KDR: variants seen among roughly 807,000 people sequenced by gnomAD.
The protein encoded by KDR is kinase insert domain receptor, also known as vascular endothelial growth factor receptor 2.
Under a neutral mutation model 160.9 loss-of-function variants are expected in KDR, and 43 were observed. That is an observed-to-expected ratio of 0.27 (90% CI 0.21 to 0.34). The LOEUF is 0.34. Ranked by LOEUF, KDR falls within the 10% of genes least tolerant of loss-of-function variation. The pLI is 1.00. For missense variants in KDR, 1,469 were observed against 1,666.4 expected, an observed-to-expected ratio of 0.88 and a Z score of 2.06; for synonymous variants, 617 against 600.1, an observed-to-expected ratio of 1.03 and a Z score of -0.41.
At position 55,113,332 on chromosome 4, in the gene KDR, C is replaced by A; in HGVS notation, c.948G>T (p.Lys316Asn). The change falls in exon 7 of 30, where the codon AAG becomes AAT. Residue 316 changes from lysine to asparagine, a missense_variant. By Grantham distance (94) the Lys-to-Asn change is moderately conservative. This residue lies in a region of KDR where 792 missense variants were observed against 840.9 expected (regional missense o/e 0.94). Coordinates refer to ENST00000263923, the MANE Select transcript of KDR (RefSeq NM_002253.4). The stretch of plus-strand genomic sequence containing the variant: ...GGACCCTGACAAATGTGCTGTTCTT[C>A]TTGGTCATCAGCCCACTGGATGCTG... ...TCAASSGLMT[K>N]KNSTFVRVHE... 1 of 1,614,096 alleles carries A rather than the reference C, an allele frequency of 6.2e-7. No homozygotes were observed. The highest frequency in any genetic ancestry group is 1.7e-5 in the Admixed American group (1 of 60,014).
chr4:55,118,543 G>T, intron 3 of KDR, 61 bp downstream of exon 3: 2 of 1,302,064 alleles, frequency 1.5e-6, no homozygotes, highest in African/African-American at 1.5e-5. Flanking sequence ...TCTTCTTTGA[G>T]CCTATTGTCT....
rs1720433798 is a variant in KDR at position 55,105,854 on chromosome 4, C to T, written c.1623G>A (p.Arg541=). ...EAVNKVGRGE[R]VISFHVTRGP... ...TACTGGTCACGTGGAAGGAGATCACCCTCTCTCCTCTCCCGACTTTGTTGA... is the reference window on the plus strand; with the variant it reads ...TACTGGTCACGTGGAAGGAGATCACTCTCTCTCCTCTCCCGACTTTGTTGA... The change falls in exon 12 of 30, where the codon AGG becomes AGA. Residue 541 remains arginine, a synonymous_variant. Transcript: ENST00000263923. 1.2e-6 allele frequency: 2 copies of T among 1,607,984 alleles called. No homozygotes were observed. Among genetic ancestry groups the T allele is most frequent in the African/African-American group, 1.3e-5 (1 of 74,740 alleles).
At position 55,114,147 on chromosome 4, in the gene KDR, G is replaced by A. The variant is rs750554254; in HGVS notation, c.777C>T (p.Asn259=). 5.0e-6 allele frequency: 8 copies of A among 1,613,934 alleles called. No individual in the cohort carries two copies. The South Asian group carries it at 7.7e-5, about 16-fold the overall frequency. ...TTACCTTCGAAGAAGGGTATTCCCAGTTGAAGTCAATCCCCACATTTAGTT... is the reference window on the plus strand; with the variant it reads ...TTACCTTCGAAGAAGGGTATTCCCAATTGAAGTCAATCCCCACATTTAGTT... ...RTELNVGIDF[N]WEYPSSKHQH... The change falls in exon 6 of 30, where the codon AAC becomes AAT. Residue 259 remains asparagine, a synonymous_variant. Coordinates refer to ENST00000263923, the MANE Select transcript of KDR (RefSeq NM_002253.4).
chr4:55,104,432 C>T (rs1274883826), intron 13 of KDR, among the ~76,000 whole-genome samples: 1 of 152,182 alleles, frequency 6.6e-6, no homozygotes, highest in African/African-American at 2.4e-5. Flanking sequence ...TAGTGAATTA[C>T]TCCATCATCA....
rs1484496563 is a variant in KDR, at chr4:55,079,872, A to AC, written c.*68dup. Reference sequence around the variant, plus strand: ...CGGCTACTTCCTGCTGGTGGAAAGAACAACACTTGAAAATCTGAGCAGCAC... The same window carrying AC: ...CGGCTACTTCCTGCTGGTGGAAAGAACCAACACTTGAAAATCTGAGCAGCAC... On this transcript the variant is annotated 3_prime_UTR_variant, in exon 30 of 30. Coordinates refer to ENST00000263923, the MANE Select transcript of KDR (RefSeq NM_002253.4). The AC allele has an allele frequency of 2.8e-5, 39 of 1,373,344 alleles. No homozygotes were observed. Among genetic ancestry groups the AC allele is most frequent in the Non-Finnish European group, 4.0e-5 (38 of 961,506 alleles). The allele number at this position is 1,373,344 out of a possible 1,614,324, so 85.1% of individuals were successfully genotyped here. A position where few individuals can be genotyped will look rare whatever the true frequency, so the allele number is the denominator to read the frequency against.
chr4:55,097,887 G>A (rs1448843572), intron 17 of KDR, 121 bp from the exon 18 acceptor site: 2 of 837,680 alleles, frequency 2.4e-6, no homozygotes, highest in Non-Finnish European at 4.0e-6. Context: ...GGATAGTCCA[G>A]TTTACTCCTT....
chr4:55,090,617 T>A (rs1719989324), intron 22 of KDR, among the ~76,000 whole-genome samples: 1 of 152,116 alleles, frequency 6.6e-6, no homozygotes. Context: ...AAAGGTCTAT[T>A]AAGGCAATTT....
At chr4:55,114,054 T>C (rs1720667294) in intron 6 of KDR, 72 bp downstream of exon 6, 1 of 1,549,818 alleles carries the variant, frequency 6.5e-7, no homozygotes, top group South Asian at 1.1e-5. Flanking sequence ...GAGGCCCCTA[T>C]CTCTCAAGCA....
rs769571428 is a variant in KDR, at chr4:55,118,660, T to C, written c.302A>G (p.Tyr101Cys). ...GTCAGTTTCCCGGTAGAAGCACTTG[T>C]AGGCTCCAGTGTCATTTCCGATCAC... ...PKVIGNDTGA[Y>C]KCFYRETDLA... is the part of the protein sequence containing the mutation. The change falls in exon 3 of 30, where the codon TAC (tyrosine) becomes TGC (cysteine). Residue 101 changes from tyrosine to cysteine, a missense_variant. Coordinates refer to ENST00000263923, the MANE Select transcript of KDR (RefSeq NM_002253.4). 1 of 1,614,194 alleles carries C rather than the reference T, an allele frequency of 6.2e-7. No homozygotes were observed. Among genetic ancestry groups the C allele is most frequent in the Non-Finnish European group, 8.5e-7 (1 of 1,180,016 alleles).
chr4:55,106,728 CT>C lies in KDR; in HGVS notation c.1494del (p.Val499LeufsTer8). ...VEDFQGGNKI[E>X]VNKNQFALIE... ...ATTAGAGCAAATTGATTTTTATTAA[CT>C]TCAATTTTATTTCCTCCCTGGAAGT... On this transcript the variant is annotated frameshift_variant, in exon 11 of 30. Transcript: ENST00000263923. LOFTEE classifies it high-confidence loss of function. The C allele has an allele frequency of 6.3e-7, 1 of 1,583,962 alleles. No homozygotes were observed. The highest frequency in any genetic ancestry group is 8.7e-7 in the Non-Finnish European group (1 of 1,152,642).
intron 7 of KDR, among the ~76,000 whole-genome samples, chr4:55,111,205 T>G (rs564003943): frequency 3.3e-4 from 50 of 152,308 alleles, no homozygotes; most frequent in African/African-American, 1.1e-3. Context: ...TAAAGTATCA[T>G]TCACGTACCT....
Position 55,118,679 on chromosome 4 carries a change from C to T in KDR, c.283G>A (p.Gly95Arg), listed in dbSNP as rs371800274. The T allele has an allele frequency of 1.9e-5, 31 of 1,614,022 alleles. No individual in the cohort carries two copies. The South Asian group carries it at 2.2e-4, about 11-fold the overall frequency. ...CKTLTIPKVI[G>R]NDTGAYKCFY... ...CACTTGTAGGCTCCAGTGTCATTTC[C>T]GATCACTTTTGGAATTGTGAGTGTC... Residue 95 changes from glycine (G) to arginine (R), a missense_variant, in exon 3 of 30, where the codon GGA becomes AGA. Coordinates refer to ENST00000263923, the MANE Select transcript of KDR (RefSeq NM_002253.4).
intron 20 of KDR, among the ~76,000 whole-genome samples, chr4:55,095,356 T>C (rs551899372): frequency 6.6e-6 from 1 of 152,222 alleles, no homozygotes; most frequent in African/African-American, 2.4e-5. Flanking sequence ...TTCTCCCCCA[T>C]GTCCACACTC....
rs139884656 is a variant in KDR, at chr4:55,107,838, G to A, written c.1311C>T (p.Tyr437=). The change falls in exon 10 of 30, where the codon TAC becomes TAT. Residue 437 remains tyrosine (Y), a synonymous_variant. Coordinates refer to ENST00000263923, the MANE Select transcript of KDR (RefSeq NM_002253.4). ...TACATGTCAGCGTTTGAGTGGTGCC[G>A]TACTGGTAGGAATCCACAGGAGAGA... is the stretch of plus-strand genomic sequence containing the variant. The part of the protein sequence containing the change: ...SLISPVDSYQ[Y]GTTQTLTCTV... 21 of 1,613,836 alleles carry A rather than the reference G, an allele frequency of 1.3e-5. No individual in the cohort carries two copies. The highest frequency in any genetic ancestry group is 6.6e-5 in the South Asian group (6 of 91,082).
At chr4:55,108,320 G>C (rs1411223942) in intron 9 of KDR, among the ~76,000 whole-genome samples, 1 of 152,104 alleles carries the variant, frequency 6.6e-6, no homozygotes, top group Non-Finnish European at 1.5e-5. Context: ...CCTCTCATCT[G>C]TATTACAGAG....
At chr4:55,092,536 G>T in intron 22 of KDR, 81 bp downstream of exon 22, 1 of 972,254 alleles carries the variant, frequency 1.0e-6, no homozygotes, top group Non-Finnish European at 1.7e-6. Flanking sequence ...TCCCAAACAA[G>T]CACCAATGGC....
intron 27 of KDR, among the ~76,000 whole-genome samples, chr4:55,083,151 T>G (rs1211293934): frequency 2.6e-5 from 4 of 152,212 alleles, no homozygotes; most frequent in African/African-American, 7.2e-5. Flanking sequence ...TCCTCCTCCA[T>G]GTAACAGAGG....
chr4:55,092,411 A>C (rs1308286507), intron 22 of KDR: 3 of 576,128 alleles, frequency 5.2e-6, no homozygotes, highest in Non-Finnish European at 9.5e-6. Context: ...ATGCTTGACA[A>C]GCCTTTATTA....
intron 13 of KDR, 33 bp downstream of exon 13, chr4:55,104,610 C>A: frequency 6.4e-7 from 1 of 1,558,386 alleles, no homozygotes; most frequent in South Asian, 1.1e-5. Flanking sequence ...ATTCCAACTG[C>A]CTCTGCACAA....
Sources: allele counts gnomAD v4.1 joint callset (sites outside exome capture counted in the v4.1 genomes callset), GRCh38; gene constraint gnomAD v4.1.1; regional missense constraint gnomAD v4.1.1; transcripts MANE v1.5; gene names NCBI Gene and HGNC (gene_info 2026-07-23, HGNC 2026-07-21).